Variants in CTNNA2 observed in about 807,000 individuals in gnomAD.
The protein encoded by CTNNA2 is catenin alpha 2, also known as catenin alpha-2.
Under a neutral mutation model 101.0 loss-of-function variants are expected in CTNNA2, and 42 were observed. That is an observed-to-expected ratio of 0.42 (90% CI 0.32 to 0.54). CTNNA2 has a LOEUF of 0.54. Among genes scored for constraint, CTNNA2 ranks in the 20% least tolerant of loss-of-function variants. The pLI, the probability that CTNNA2 is intolerant of heterozygous loss-of-function variation, is 0.14. For synonymous variants in CTNNA2, 450 were observed against 456.4 expected, an observed-to-expected ratio of 0.99 and a Z score of 0.18; for missense variants, 871 against 1,223.1, an observed-to-expected ratio of 0.71 and a Z score of 4.29.
At chr2:80,547,910 T>A (rs1692227902) in intron 11 of CTNNA2, among the ~76,000 whole-genome samples, 1 of 152,106 alleles carries the variant, frequency 6.6e-6, no homozygotes, top group East Asian at 1.9e-4. Context: ...CAGGCTGGTC[T>A]CAAACTCCGG....
At chr2:79,826,681 G>T (rs1428757669) in intron 3 of CTNNA2, among the ~76,000 whole-genome samples, 1 of 152,180 alleles carries the variant, frequency 6.6e-6, no homozygotes, top group African/African-American at 2.4e-5. Context: ...AAGTTTATTA[G>T]ATAAATGCCA....
intron 1 of CTNNA2, among the ~76,000 whole-genome samples, chr2:79,563,171 A>ATATG (rs1443230483): frequency 1.1e-5 from 1 of 90,386 alleles, no homozygotes; most frequent in African/African-American, 3.4e-5. Flanking sequence ...GTATATATAT[A>ATATG]TATATATATA....
intron 9 of CTNNA2, among the ~76,000 whole-genome samples, chr2:80,430,210 C>T (rs1681365510): frequency 6.6e-6 from 1 of 151,974 alleles, no homozygotes; most frequent in African/African-American, 2.4e-5. Flanking sequence ...AATTAAGTAC[C>T]CTTACAAAGA....
intron 7 of CTNNA2, among the ~76,000 whole-genome samples, chr2:80,214,428 C>T (rs976644283): frequency 5.3e-4 from 81 of 152,270 alleles, no homozygotes; most frequent in Admixed American, 1.6e-3. Context: ...AATCTCTCAG[C>T]ATTTGCTTGT....
intron 7 of CTNNA2, among the ~76,000 whole-genome samples, chr2:80,178,297 C>T (rs1461194114): frequency 6.6e-6 from 1 of 152,160 alleles, no homozygotes; most frequent in Non-Finnish European, 1.5e-5. Context: ...TCAGAAAGCA[C>T]TTGGTTCATG....
intron 4 of CTNNA2, among the ~76,000 whole-genome samples, chr2:79,473,229 T>A (rs144150909): frequency 8.1e-4 from 123 of 152,294 alleles, no homozygotes; most frequent in African/African-American, 2.6e-3. Context: ...CACCCGAAAC[T>A]CTTCCAGCTT....
intron 4 of CTNNA2, among the ~76,000 whole-genome samples, chr2:79,397,354 T>G (rs996452713): frequency 5.9e-5 from 9 of 152,082 alleles, no homozygotes; most frequent in African/African-American, 2.2e-4. Flanking sequence ...CTTAATCACC[T>G]TCTCTTCATA....
intron 7 of CTNNA2, among the ~76,000 whole-genome samples, chr2:80,269,564 T>C (rs1030959039): frequency 1.3e-5 from 2 of 152,222 alleles, no homozygotes; most frequent in African/African-American, 4.8e-5. Flanking sequence ...AAAGTGTTAG[T>C]ATTGTCCTAT....
chr2:79,784,493 T>A (rs1674691380), intron 3 of CTNNA2, among the ~76,000 whole-genome samples: 1 of 150,564 alleles, frequency 6.6e-6, no homozygotes, highest in Non-Finnish European at 1.5e-5. Flanking sequence ...TAGATAGCTC[T>A]GTTGGGATGT....
At chr2:79,475,611 G>T (rs1231214661) in intron 4 of CTNNA2, among the ~76,000 whole-genome samples, 1 of 151,726 alleles carries the variant, frequency 6.6e-6, no homozygotes, top group African/African-American at 2.4e-5. Flanking sequence ...TTTTCCCTTG[G>T]TATGAGTATT....
chr2:80,578,703 G>T (rs17019392), intron 13 of CTNNA2, among the ~76,000 whole-genome samples: 16,217 of 152,114 alleles, frequency 0.11, 1,908 homozygotes, highest in African/African-American at 0.29. Context: ...CTCTGAAACC[G>T]TCAACTTGTT....
chr2:80,488,803 A>G (rs17019227), intron 9 of CTNNA2, among the ~76,000 whole-genome samples: 3,518 of 152,320 alleles, frequency 0.023, 91 homozygotes, highest in African/African-American at 0.061. Context: ...GATACAAGGA[A>G]TTCAGAATAA....
intron 4 of CTNNA2, among the ~76,000 whole-genome samples, chr2:79,447,604 G>A (rs968408577): frequency 6.6e-6 from 1 of 152,024 alleles, no homozygotes; most frequent in Non-Finnish European, 1.5e-5. Context: ...CTGCCATCCA[G>A]GCTGTTCCCT....
chr2:79,597,516 A>G (rs1420504619), intron 1 of CTNNA2, among the ~76,000 whole-genome samples: 1 of 151,786 alleles, frequency 6.6e-6, no homozygotes, highest in Non-Finnish European at 1.5e-5. Context: ...AGTCTCGCAG[A>G]TGGAAAATAT....
At chr2:80,007,623 G>T (rs931285546) in intron 7 of CTNNA2, among the ~76,000 whole-genome samples, 3 of 152,142 alleles carry the variant, frequency 2.0e-5, no homozygotes, top group African/African-American at 7.2e-5. Flanking sequence ...AAAATTTTCT[G>T]AGCTAAAGCA....
chr2:80,574,447 A>C (rs907070553), intron 13 of CTNNA2, 133 bp downstream of exon 13: 1 of 1,059,742 alleles, frequency 9.4e-7, no homozygotes, highest in Non-Finnish European at 1.3e-6. Flanking sequence ...CTTATTAGTC[A>C]GACAAGGTGA....
intron 2 of CTNNA2, among the ~76,000 whole-genome samples, chr2:79,733,729 T>C (rs1024229405): frequency 6.6e-6 from 1 of 152,122 alleles, no homozygotes; most frequent in African/African-American, 2.4e-5. Flanking sequence ...TTTATATTTT[T>C]AGACAAAAAT....
chr2:79,514,468 A>G (rs1003290739), intron 1 of CTNNA2, among the ~76,000 whole-genome samples: 4 of 152,234 alleles, frequency 2.6e-5, no homozygotes, highest in African/African-American at 9.6e-5. Context: ...ACCATTGTTA[A>G]TAATTTAAAA....
chr2:79,263,182 A>G (rs1336343133), intron 2 of CTNNA2, among the ~76,000 whole-genome samples: 1 of 152,156 alleles, frequency 6.6e-6, no homozygotes, highest in Non-Finnish European at 1.5e-5. Flanking sequence ...GATATGGTTT[A>G]GATATTTTGT....
Sources: gnomAD v4.1 joint callset for allele counts (sites outside exome capture counted in the v4.1 genomes callset) on GRCh38, gnomAD v4.1.1 for gene constraint, MANE v1.5 for transcripts, NCBI Gene and HGNC (gene_info 2026-07-23, HGNC 2026-07-21) for gene names.